The following HECW2 variants were observed in gnomAD, a reference collection of about 807,000 sequenced individuals.
HECW2 encodes E3 ubiquitin-protein ligase HECW2.
Under a neutral mutation model 175.2 loss-of-function variants are expected in HECW2, and 61 were observed. That is an observed-to-expected ratio of 0.35 (90% CI 0.28 to 0.43). HECW2 has a LOEUF of 0.43. Ranked by LOEUF, HECW2 falls within the 20% of genes least tolerant of loss-of-function variation. The pLI is 1.00. For missense variants in HECW2, 1,524 were observed against 2,000.5 expected (o/e 0.76, Z 4.54); for synonymous variants, 671 against 731.0 (o/e 0.92, Z 1.32).
chr2:196,437,076 A>T (rs1438415910), intron 1 of HECW2, among the ~76,000 whole-genome samples: 1 of 152,196 alleles, frequency 6.6e-6, no homozygotes, highest in Non-Finnish European at 1.5e-5. Context: ...CAGATGAGGA[A>T]ACTGAGAAAG....
chr2:196,310,712 C>T lies in HECW2; in HGVS notation c.2435-2627G>A, dbSNP rs76461451. ...ACTTAACATTTACTTCCTTGTCTTG[C>T]CACATTGTCAAATATGTTATATAAT... On this transcript the variant is annotated intron_variant, in intron 10 of 28. Coordinates refer to ENST00000644978, the MANE Select transcript of HECW2 (RefSeq NM_001348768.2). 9.9e-5 allele frequency among the ~76,000 whole-genome samples: 15 copies of T among 151,754 alleles called. No individual in the cohort carries two copies. In the East Asian group the frequency reaches 2.3e-3, roughly 24 times the overall value.
intron 2 of HECW2, among the ~76,000 whole-genome samples, chr2:196,392,549 T>C (rs1694545254): frequency 6.6e-6 from 1 of 152,214 alleles, no homozygotes. Context: ...GTGTTCCATA[T>C]TCTAACATCA....
intron 1 of HECW2, among the ~76,000 whole-genome samples, chr2:196,576,492 G>A (rs529913593): frequency 9.2e-5 from 14 of 152,314 alleles, no homozygotes; most frequent in African/African-American, 3.1e-4. Flanking sequence ...TCACTTATAT[G>A]TGGAATCGAA....
chr2:196,576,159 GTACAAACCT>G (rs375300581), intron 1 of HECW2, among the ~76,000 whole-genome samples: 30 of 150,998 alleles, frequency 2.0e-4, no homozygotes, highest in African/African-American at 7.0e-4. Context: ...ACAGTATTCA[GTACAAACCT>G]GCTGTACAGG....
intron 10 of HECW2, among the ~76,000 whole-genome samples, chr2:196,315,407 C>T (rs903685655): frequency 1.3e-5 from 2 of 152,012 alleles, no homozygotes; most frequent in African/African-American, 2.4e-5. Flanking sequence ...ACACTGGCCC[C>T]CCACCCACTA....
At chr2:196,301,725 GTT>G (rs377063164) in intron 13 of HECW2, among the ~76,000 whole-genome samples, 93 of 112,852 alleles carry the variant, frequency 8.2e-4, no homozygotes, top group South Asian at 1.3e-3. Context: ...TAATGGGATT[GTT>G]TTTTTTTTTT....
intron 1 of HECW2, among the ~76,000 whole-genome samples, chr2:196,469,791 T>G (rs1238967836): frequency 6.6e-6 from 1 of 151,802 alleles, no homozygotes; most frequent in Non-Finnish European, 1.5e-5. Flanking sequence ...CCAAGAAGTA[T>G]ATATAGTATG....
chr2:196,304,778 C>T (rs1009063639), intron 13 of HECW2, among the ~76,000 whole-genome samples: 3 of 152,208 alleles, frequency 2.0e-5, no homozygotes, highest in African/African-American at 7.2e-5. Flanking sequence ...TGTAGCCTAG[C>T]TTCTGTATCC....
chr2:196,210,202 A>G (rs1344315662), intron 28 of HECW2, among the ~76,000 whole-genome samples: 1 of 152,188 alleles, frequency 6.6e-6, no homozygotes, highest in East Asian at 1.9e-4. Context: ...TGATAACATT[A>G]CAGAGCAATA....
intron 1 of HECW2, among the ~76,000 whole-genome samples, chr2:196,442,335 A>T (rs1228940098): frequency 1.3e-5 from 2 of 152,196 alleles, no homozygotes; most frequent in African/African-American, 4.8e-5. Flanking sequence ...AAGCAGTAGT[A>T]CTCAAGTGAA....
intron 2 of HECW2, among the ~76,000 whole-genome samples, chr2:196,407,095 G>A (rs1404680535): frequency 6.6e-6 from 1 of 152,032 alleles, no homozygotes; most frequent in East Asian, 1.9e-4. Flanking sequence ...GATAATAAGT[G>A]CTTTCTCAGT....
intron 1 of HECW2, among the ~76,000 whole-genome samples, chr2:196,533,560 G>GCTT (rs1465139933): frequency 5.9e-5 from 9 of 152,138 alleles, no homozygotes; most frequent in Non-Finnish European, 1.3e-4. Flanking sequence ...GGATGGAAGA[G>GCTT]CTTCTATTCC....
chr2:196,434,454 T>TA (rs937658269), intron 1 of HECW2, among the ~76,000 whole-genome samples: 2 of 152,186 alleles, frequency 1.3e-5, no homozygotes, highest in Non-Finnish European at 2.9e-5. Flanking sequence ...TGTTGGAACT[T>TA]AGACAGCCCC....
chr2:196,278,427 A>G (rs953196139), intron 15 of HECW2, 101 bp downstream of exon 15: 15 of 1,392,164 alleles, frequency 1.1e-5, no homozygotes, highest in Non-Finnish European at 1.4e-5. Context: ...AAAAAAAAAA[A>G]AAGAAAAAAT....
At chr2:196,443,803 G>A (rs1233896741) in intron 1 of HECW2, among the ~76,000 whole-genome samples, 4 of 152,230 alleles carry the variant, frequency 2.6e-5, no homozygotes, top group Non-Finnish European at 5.9e-5. Flanking sequence ...GCCGAGGTGG[G>A]CAGACTGCCT....
intron 2 of HECW2, among the ~76,000 whole-genome samples, chr2:196,413,189 C>A (rs897592285): frequency 7.2e-5 from 11 of 152,160 alleles, no homozygotes; most frequent in Middle Eastern, 3.4e-3. Context: ...CCTGTCACTA[C>A]AAAAAAATTA....
At chr2:196,492,254 A>C (rs1575602800) in intron 1 of HECW2, among the ~76,000 whole-genome samples, 1 of 152,192 alleles carries the variant, frequency 6.6e-6, no homozygotes, top group African/African-American at 2.4e-5. Context: ...GAGCAAACCA[A>C]GTGTCACTTT....
intron 2 of HECW2, among the ~76,000 whole-genome samples, chr2:196,402,723 G>A (rs1042401671): frequency 2.0e-5 from 3 of 151,476 alleles, no homozygotes; most frequent in African/African-American, 7.3e-5. Context: ...TAATTTGGGA[G>A]GTCAAATACA....
At chr2:196,468,347 C>T (rs141799929) in intron 1 of HECW2, among the ~76,000 whole-genome samples, 2 of 152,300 alleles carry the variant, frequency 1.3e-5, no homozygotes, top group African/African-American at 4.8e-5. Context: ...TCAAATTAAT[C>T]TCTCACTGGT....
Sources: gnomAD v4.1 joint callset for allele counts (sites outside exome capture counted in the v4.1 genomes callset) on GRCh38, gnomAD v4.1.1 for gene constraint, MANE v1.5 for transcripts, NCBI Gene and HGNC (gene_info 2026-07-23, HGNC 2026-07-21) for gene names.